Variants in NRXN3 observed in about 807,000 individuals in gnomAD.
The protein encoded by NRXN3 is neurexin 3, also known as neurexin III.
NRXN3 carries 32 observed loss-of-function variants against 137.6 expected under a neutral mutation model. The observed-to-expected ratio is 0.23, with a 90% confidence interval of 0.18 to 0.31. NRXN3 has a LOEUF of 0.31. Among genes scored for constraint, NRXN3 ranks in the 10% least tolerant of loss-of-function variants. The pLI, the probability that NRXN3 is intolerant of heterozygous loss-of-function variation, is 1.00. For synonymous variants in NRXN3, 798 were observed against 784.5 expected (o/e 1.02, Z -0.29); for missense variants, 1,574 against 2,062.5 (o/e 0.76, Z 4.59).
chr14:79,257,200 A>T (rs150309126), intron 15 of NRXN3, among the ~76,000 whole-genome samples: 68 of 152,120 alleles, frequency 4.5e-4, no homozygotes, highest in Middle Eastern at 3.4e-3. Context: ...ATATTTTAAA[A>T]ATAAGATGTG....
rs564647599 is a variant in NRXN3, at chr14:78,506,333, A to C, written c.758-138787A>C. ...ACTAAATAATAGTCATGCTTGGATG[A>C]AACTTTGGGTTGTTTCCATATGTTA... On this transcript the variant is annotated intron_variant, in intron 4 of 20. Transcript: ENST00000335750. Among the ~76,000 whole-genome samples the C allele has an allele frequency of 1.5e-3, 223 of 152,302 alleles. 2 individuals are homozygous for C. The highest frequency in any genetic ancestry group is 4.7e-3 in the African/African-American group (196 of 41,578).
At chr14:78,600,215 C>G (rs2097191669) in intron 4 of NRXN3, among the ~76,000 whole-genome samples, 2 of 152,206 alleles carry the variant, frequency 1.3e-5, no homozygotes, top group African/African-American at 4.8e-5. Context: ...AGCTTTTTCA[C>G]TCCCAATTTG....
chr14:78,925,126 C>T (rs1215805070), intron 10 of NRXN3, among the ~76,000 whole-genome samples: 1 of 152,220 alleles, frequency 6.6e-6, no homozygotes. Flanking sequence ...TCAATCCTAT[C>T]TGGATCTGTT....
intron 16 of NRXN3, among the ~76,000 whole-genome samples, chr14:79,471,631 A>T (rs1706552652): frequency 1.3e-5 from 2 of 152,120 alleles, no homozygotes; most frequent in African/African-American, 2.4e-5. Flanking sequence ...CCTGTGACAG[A>T]ATTTAAGTTT....
At chr14:79,663,681 G>T (rs2098545093) in intron 16 of NRXN3, 97 bp from the exon 17 acceptor site, 10 of 939,712 alleles carry the variant, frequency 1.1e-5, no homozygotes, top group Non-Finnish European at 1.6e-5. Context: ...GCTCCCTCTG[G>T]GCACCTACAG....
At chr14:79,414,428 A>G (rs1327668644) in intron 15 of NRXN3, among the ~76,000 whole-genome samples, 2 of 152,004 alleles carry the variant, frequency 1.3e-5, no homozygotes, top group Non-Finnish European at 2.9e-5. Flanking sequence ...TTTTAGTCCC[A>G]CCTTTGAGAT....
At chr14:79,684,621 C>T (rs531729138) in intron 17 of NRXN3, among the ~76,000 whole-genome samples, 1 of 152,184 alleles carries the variant, frequency 6.6e-6, no homozygotes, top group African/African-American at 2.4e-5. Context: ...GACAATGTTC[C>T]TGTGTTGTGC....
chr14:78,379,150 T>C (rs2088536456), intron 4 of NRXN3, among the ~76,000 whole-genome samples: 1 of 152,048 alleles, frequency 6.6e-6, no homozygotes, highest in South Asian at 2.1e-4. Context: ...CAAAAGAAAC[T>C]TCTAGGCCCA....
rs888941232 is a variant in NRXN3, at chr14:79,642,916, A to G, written c.3445-20862A>G. Among the ~76,000 whole-genome samples the G allele has an allele frequency of 3.7e-5, 5 of 136,434 alleles. 1 individual carries two copies. The highest frequency in any genetic ancestry group is 6.8e-5 in the Non-Finnish European group (4 of 58,624). The allele number at this position is 136,434 out of a possible 152,430, so 89.5% of individuals were successfully genotyped here. ...TGCTTTGCAGCCAGGCAAGTAACAA[A>G]TGTCTGGGTCAGAAGCTGGGTATTA... On this transcript the variant is annotated intron_variant, in intron 16 of 20. Coordinates refer to ENST00000335750, the MANE Select transcript of NRXN3 (RefSeq NM_001330195.2).
chr14:79,608,814 C>G (rs1298678365), intron 16 of NRXN3, among the ~76,000 whole-genome samples: 2 of 151,986 alleles, frequency 1.3e-5, no homozygotes, highest in Admixed American at 6.6e-5. Context: ...TTAAAAAACC[C>G]CAAACCTTTA....
chr14:79,099,023 A>C (rs569627289), intron 15 of NRXN3, among the ~76,000 whole-genome samples: 1 of 152,168 alleles, frequency 6.6e-6, no homozygotes, highest in Non-Finnish European at 1.5e-5. Flanking sequence ...TAGCCTAATC[A>C]TGATGCATGT....
At position 79,823,773 on chromosome 14, in the gene NRXN3, G is replaced by T. The variant is rs183294983; in HGVS notation, c.4093+18583G>T. 31 of 269,626 alleles carry T rather than the reference G, an allele frequency of 1.1e-4. No homozygotes were observed. The East Asian group carries it at 1.5e-3, about 13-fold the overall frequency. 16.7% of individuals were successfully genotyped at this position (269,626 alleles called of 1,614,324 possible). ...AAAAATAGTGAATCCTTTTTCCTGG[G>T]TTGAATTATGATGTATGGCCCTGCA... is the stretch of plus-strand genomic sequence containing the variant. On this transcript the variant is annotated intron_variant, in intron 20 of 20. Coordinates refer to ENST00000335750, the MANE Select transcript of NRXN3 (RefSeq NM_001330195.2).
intron 10 of NRXN3, among the ~76,000 whole-genome samples, chr14:78,849,733 A>G (rs375709810): frequency 3.8e-4 from 58 of 151,538 alleles, no homozygotes; most frequent in African/African-American, 1.3e-3. Flanking sequence ...GCAGGGTGGA[A>G]AGAAAGGAGA....
At position 79,863,548 on chromosome 14, in the gene NRXN3, A is replaced by G. The variant is rs1433410446; in HGVS notation, c.*1584A>G. 6.6e-6 allele frequency: 1 copy of G among 152,196 alleles called. No homozygotes were observed. Among genetic ancestry groups the G allele is most frequent in the Non-Finnish European group, 1.5e-5 (1 of 67,952 alleles). 9.4% of individuals were successfully genotyped at this position (152,196 alleles called of 1,614,324 possible). On this transcript the variant is annotated 3_prime_UTR_variant, in exon 21 of 21. Transcript: ENST00000335750. ...AAAAAACTTCAGATTTTGTTTACAT[A>G]TTTTACTACATTTTTGCTGGTATAA...
chr14:78,968,821 T>C (rs2099428822), intron 14 of NRXN3, among the ~76,000 whole-genome samples: 1 of 152,228 alleles, frequency 6.6e-6, no homozygotes, highest in Non-Finnish European at 1.5e-5. Context: ...GAAAACGATG[T>C]CCAAATGCCA....
At chr14:79,315,264 A>T (rs2088309129) in intron 15 of NRXN3, among the ~76,000 whole-genome samples, 1 of 152,162 alleles carries the variant, frequency 6.6e-6, no homozygotes. Context: ...AGCAATCTCA[A>T]AGACTAATAA....
intron 15 of NRXN3, among the ~76,000 whole-genome samples, chr14:79,276,558 G>C (rs1479215758): frequency 1.3e-5 from 2 of 152,192 alleles, no homozygotes; most frequent in African/African-American, 4.8e-5. Context: ...AGTTCCAGCT[G>C]TGATGCACCA....
At chr14:78,874,788 G>A (rs1404290438) in intron 10 of NRXN3, among the ~76,000 whole-genome samples, 1 of 152,210 alleles carries the variant, frequency 6.6e-6, no homozygotes, top group Non-Finnish European at 1.5e-5. Flanking sequence ...TTCTGAATCA[G>A]GAGCCTGTGT....
At chr14:79,006,442 A>G (rs2099553087) in intron 15 of NRXN3, among the ~76,000 whole-genome samples, 5 of 152,206 alleles carry the variant, frequency 3.3e-5, no homozygotes, top group Admixed American at 3.3e-4. Context: ...GCTGCTACAT[A>G]CACATGGGCA....
Sources: allele counts gnomAD v4.1 joint callset (sites outside exome capture counted in the v4.1 genomes callset), GRCh38; gene constraint gnomAD v4.1.1; transcripts MANE v1.5; gene names NCBI Gene and HGNC (gene_info 2026-07-23, HGNC 2026-07-21).